SV2C: variants seen among roughly 807,000 people sequenced by gnomAD.
SV2C encodes the protein solute carrier family 22 member B3.
SV2C carries 49 observed loss-of-function variants against 79.7 expected under a neutral mutation model. The ratio of observed to expected loss-of-function variants is 0.61; its 90% CI spans 0.49 to 0.78. The LOEUF (loss-of-function observed/expected upper bound fraction) is 0.78. Among genes scored for constraint, SV2C ranks in the 30% least tolerant of loss-of-function variants. SV2C has a pLI of 0.00. For synonymous variants in SV2C, 334 were observed against 333.2 expected, an observed-to-expected ratio of 1.00 and a Z score of -0.03; for missense variants, 833 against 912.9, an observed-to-expected ratio of 0.91 and a Z score of 1.13.
At chr5:75,888,777 G>T in the SV2C span, among the ~76,000 whole-genome samples, 1 of 152,018 alleles carries the variant, frequency 6.6e-6, no homozygotes, top group African/African-American at 2.4e-5. Flanking sequence ...AATGCCAGGG[G>T]GGTGGCCTGT....
intron 1 of SV2C, among the ~76,000 whole-genome samples, chr5:76,113,729 C>T (rs1748167544): frequency 6.6e-6 from 1 of 152,116 alleles, no homozygotes; most frequent in Admixed American, 6.5e-5. Context: ...AGAGAAATAC[C>T]TCGGGGAAAG....
the SV2C span, among the ~76,000 whole-genome samples, chr5:76,022,024 A>C: frequency 2.0e-5 from 3 of 152,208 alleles, no homozygotes; most frequent in Non-Finnish European, 1.5e-5. Context: ...TTAACAGAAC[A>C]AGGAGCCAAG....
the SV2C span, among the ~76,000 whole-genome samples, chr5:75,917,044 T>C: frequency 6.6e-6 from 1 of 152,214 alleles, no homozygotes; most frequent in Non-Finnish European, 1.5e-5. Flanking sequence ...ACAACAGGAC[T>C]TGCTTGGTAA....
At chr5:76,132,393 A>G in intron 2 of SV2C, 63 bp downstream of exon 2, 2 of 1,453,740 alleles carry the variant, frequency 1.4e-6, no homozygotes, top group Non-Finnish European at 9.3e-7. Context: ...CACAGTTATC[A>G]ACATAGAGAA....
rs1730689486 is a variant in SV2C, at chr5:76,291,839, G to T, written c.1320G>T (p.Trp440Cys). Residue 440 changes from tryptophan to cysteine, a missense_variant, in exon 8 of 13, where the codon TGG (tryptophan) becomes TGT (cysteine). Transcript: ENST00000502798. ...RDNTIKLTIV[W>C]FTLSFGYYGL... Reference sequence around the variant, plus strand: ...ATACAATAAAGCTTACAATTGTTTGGTTCACCCTGTCCTTTGGGTAAGTGA... The same window carrying T: ...ATACAATAAAGCTTACAATTGTTTGTTTCACCCTGTCCTTTGGGTAAGTGA... The T allele has an allele frequency of 1.2e-6, 2 of 1,608,622 alleles. No homozygotes were observed. The highest frequency in any genetic ancestry group is 1.7e-6 in the Non-Finnish European group (2 of 1,176,728).
intron 12 of SV2C, among the ~76,000 whole-genome samples, chr5:76,323,166 C>A (rs1302657811): frequency 6.6e-6 from 1 of 152,108 alleles, no homozygotes; most frequent in Non-Finnish European, 1.5e-5. Context: ...CTAGAATTTA[C>A]AAGGAATGTA....
At chr5:75,911,189 C>G in the SV2C span, 1 of 1,594,820 alleles carries the variant, frequency 6.3e-7, no homozygotes, top group Non-Finnish European at 8.6e-7. Flanking sequence ...CCTCTACCAG[C>G]CTGCAATGGC....
At chr5:76,158,684 A>G (rs938450672) in intron 2 of SV2C, among the ~76,000 whole-genome samples, 7 of 152,036 alleles carry the variant, frequency 4.6e-5, no homozygotes, top group Non-Finnish European at 7.4e-5. Context: ...GAACAACACT[A>G]AAAGCCAACA....
the SV2C span, among the ~76,000 whole-genome samples, chr5:75,994,480 A>ATAT: frequency 6.6e-6 from 1 of 152,068 alleles, no homozygotes; most frequent in Non-Finnish European, 1.5e-5. Context: ...TTGACTAGTA[A>ATAT]TATAACCTTG....
rs1749009340 is a variant in SV2C, at chr5:76,326,746, C to G, written c.*1199C>G. 6.6e-6 allele frequency: 1 copy of G among 152,408 alleles called. No homozygotes were observed. The highest frequency in any genetic ancestry group is 2.1e-4 in the South Asian group (1 of 4,818). The allele number at this position is 152,408 out of a possible 1,614,324, so 9.4% of individuals were successfully genotyped here. A position where few individuals can be genotyped will look rare whatever the true frequency, so the allele number is the denominator to read the frequency against. The stretch of plus-strand genomic sequence containing the variant: ...CCTGAGGGCCCCTCTCACAGACAGA[C>G]CATCTCCCTGTGGTTGTTTGACTGC... On this transcript the variant is annotated 3_prime_UTR_variant, in exon 13 of 13. Coordinates refer to ENST00000502798, the MANE Select transcript of SV2C (RefSeq NM_014979.4).
the SV2C span, among the ~76,000 whole-genome samples, chr5:75,918,649 C>T: frequency 5.3e-5 from 8 of 152,196 alleles, no homozygotes; most frequent in Non-Finnish European, 1.0e-4. Context: ...GCACATCATC[C>T]ACCACTCAGA....
chr5:76,014,103 A>T, the SV2C span, among the ~76,000 whole-genome samples: 1 of 151,420 alleles, frequency 6.6e-6, no homozygotes, highest in Non-Finnish European at 1.5e-5. Flanking sequence ...GGAAAGAAAG[A>T]GAGGATGAAA....
At chr5:76,348,240 A>G (rs1371504361) in intron 12 of SV2C, among the ~76,000 whole-genome samples, 4 of 152,038 alleles carry the variant, frequency 2.6e-5, no homozygotes, top group African/African-American at 9.7e-5. Flanking sequence ...CATGCATATT[A>G]CTCCATGTAT....
At chr5:75,886,615 C>A in the SV2C span, among the ~76,000 whole-genome samples, 1 of 152,180 alleles carries the variant, frequency 6.6e-6, no homozygotes, top group African/African-American at 2.4e-5. Context: ...CAAACACCAT[C>A]TATGGTCTGG....
At chr5:75,950,872 A>T in the SV2C span, among the ~76,000 whole-genome samples, 879 of 152,168 alleles carry the variant, frequency 5.8e-3, 5 homozygotes, top group Middle Eastern at 0.014. Context: ...ACCTATATTT[A>T]GATACATAAG....
At chr5:76,311,996 T>C (rs1748458749) in intron 12 of SV2C, among the ~76,000 whole-genome samples, 1 of 152,214 alleles carries the variant, frequency 6.6e-6, no homozygotes, top group Non-Finnish European at 1.5e-5. Flanking sequence ...AATGAAAGTA[T>C]ATGTAATGAC....
the SV2C span, among the ~76,000 whole-genome samples, chr5:75,898,134 C>G: frequency 1.3e-5 from 2 of 152,190 alleles, no homozygotes; most frequent in African/African-American, 4.8e-5. Flanking sequence ...AGAGGGCATC[C>G]CTGTCTTGTG....
At chr5:76,054,475 G>A in the SV2C span, among the ~76,000 whole-genome samples, 1 of 152,260 alleles carries the variant, frequency 6.6e-6, no homozygotes, top group South Asian at 2.1e-4. Context: ...GGTCTTTATA[G>A]TAGAATAATT....
At chr5:75,898,368 A>G in the SV2C span, among the ~76,000 whole-genome samples, 1 of 152,162 alleles carries the variant, frequency 6.6e-6, no homozygotes, top group Non-Finnish European at 1.5e-5. Context: ...GCTGGATTAC[A>G]TTTATTGATT....
Sources: allele counts gnomAD v4.1 joint callset (sites outside exome capture counted in the v4.1 genomes callset), GRCh38; gene constraint gnomAD v4.1.1; transcripts MANE v1.5; gene names NCBI Gene and HGNC (gene_info 2026-07-23, HGNC 2026-07-21).